The following ENPP6 variants were observed in gnomAD, a reference collection of about 807,000 sequenced individuals.
ENPP6 encodes the protein glycerophosphocholine cholinephosphodiesterase ENPP6.
ENPP6 carries 32 observed loss-of-function variants against 42.0 expected under a neutral mutation model. That is an observed-to-expected ratio of 0.76 (90% CI 0.58 to 1.02). The LOEUF (loss-of-function observed/expected upper bound fraction) is 1.02, where lower values mean the gene tolerates loss of function less well. Ranked by LOEUF, ENPP6 falls within the 50% of genes least tolerant of loss-of-function variation. The pLI, the probability that ENPP6 is intolerant of heterozygous loss-of-function variation, is 0.00. For missense variants in ENPP6, 552 were observed against 566.8 expected (o/e 0.97, Z 0.27); for synonymous variants, 213 against 216.0 (o/e 0.99, Z 0.12).
chr4:184,099,958 G>A (rs1275045703), intron 6 of ENPP6, among the ~76,000 whole-genome samples: 1 of 152,246 alleles, frequency 6.6e-6, no homozygotes, highest in East Asian at 1.9e-4. Flanking sequence ...GTCTGTGTGT[G>A]CCCCATGGCA....
chr4:184,111,418 T>G (rs1736194402), intron 6 of ENPP6, among the ~76,000 whole-genome samples: 1 of 152,224 alleles, frequency 6.6e-6, no homozygotes, highest in African/African-American at 2.4e-5. Context: ...ACCACATATG[T>G]GCTCTGTGTG....
intron 1 of ENPP6, among the ~76,000 whole-genome samples, chr4:184,186,483 A>G (rs1579655326): frequency 6.6e-6 from 1 of 152,202 alleles, no homozygotes; most frequent in East Asian, 1.9e-4. Flanking sequence ...CAAGAAAGAA[A>G]GAGAAATAAG....
rs397806016 is a variant in ENPP6 at position 184,128,606 on chromosome 4, A to AC, written c.422-4335dup. Among the ~76,000 whole-genome samples the AC allele has an allele frequency of 1.1e-4, 16 of 151,550 alleles. No homozygotes were observed. The South Asian group carries it at 3.3e-3, about 32-fold the overall frequency. On this transcript the variant is annotated intron_variant, in intron 2 of 7. Transcript: ENST00000296741. ...TATAAAAGAATGGGCAAAAAAAAAA[A>AC]CCTACACACACAAAGAAATCTTGGA...
At chr4:184,195,066 A>C (rs1247953790) in intron 1 of ENPP6, among the ~76,000 whole-genome samples, 1 of 152,106 alleles carries the variant, frequency 6.6e-6, no homozygotes, top group Non-Finnish European at 1.5e-5. Flanking sequence ...AAAATGTACC[A>C]TTTGGACCAT....
intron 2 of ENPP6, among the ~76,000 whole-genome samples, chr4:184,145,424 G>A (rs1046390951): frequency 2.6e-5 from 4 of 152,174 alleles, no homozygotes; most frequent in Admixed American, 1.3e-4. Flanking sequence ...CTGAGGCAGC[G>A]CTCAATTGAT....
At chr4:184,098,225 C>T (rs545074505) in intron 6 of ENPP6, among the ~76,000 whole-genome samples, 38 of 152,180 alleles carry the variant, frequency 2.5e-4, no homozygotes, top group Non-Finnish European at 4.0e-4. Flanking sequence ...ACGCAGGTGC[C>T]GGCAGCCTGG....
At chr4:184,098,091 G>A (rs1399504503) in intron 6 of ENPP6, among the ~76,000 whole-genome samples, 1 of 152,208 alleles carries the variant, frequency 6.6e-6, no homozygotes, top group Non-Finnish European at 1.5e-5. Context: ...CTCTCTAAGG[G>A]CCATCCATTA....
intron 1 of ENPP6, among the ~76,000 whole-genome samples, chr4:184,185,577 T>C (rs754272600): frequency 3.9e-5 from 6 of 152,186 alleles, no homozygotes; most frequent in Non-Finnish European, 7.4e-5. Flanking sequence ...GAACACCTTG[T>C]CCTTATTTAG....
intron 7 of ENPP6, among the ~76,000 whole-genome samples, chr4:184,094,095 A>G (rs1735855671): frequency 6.6e-6 from 1 of 152,168 alleles, no homozygotes; most frequent in Admixed American, 6.5e-5. Context: ...AGCCTGGGCA[A>G]TATGGCAAGA....
At chr4:184,130,566 C>G (rs71638117) in intron 2 of ENPP6, among the ~76,000 whole-genome samples, 1 of 34,248 alleles carries the variant, frequency 2.9e-5, no homozygotes, top group African/African-American at 8.5e-5. Flanking sequence ...TCAAACAAAA[C>G]AAAACAAAAA....
intron 5 of ENPP6, among the ~76,000 whole-genome samples, chr4:184,113,149 G>C (rs1208273154): frequency 6.6e-6 from 1 of 152,152 alleles, no homozygotes; most frequent in African/African-American, 2.4e-5. Flanking sequence ...GGGAGAGAAA[G>C]AATTCATGGT....
chr4:184,156,781 C>T (rs1737165981), intron 1 of ENPP6, among the ~76,000 whole-genome samples: 1 of 152,224 alleles, frequency 6.6e-6, no homozygotes. Context: ...TGGGATATGA[C>T]ACCTTCGGTG....
intron 5 of ENPP6, among the ~76,000 whole-genome samples, chr4:184,115,221 C>T (rs996113289): frequency 1.3e-5 from 2 of 152,198 alleles, no homozygotes; most frequent in Admixed American, 6.5e-5. Context: ...GGACCTACTA[C>T]TGGTACCCTG....
At chr4:184,151,594 T>C (rs938605425) in intron 2 of ENPP6, among the ~76,000 whole-genome samples, 2 of 152,198 alleles carry the variant, frequency 1.3e-5, no homozygotes, top group African/African-American at 4.8e-5. Context: ...AGTCAAACTA[T>C]CCAGTTATCA....
chr4:184,214,282 C>G (rs567379698), intron 1 of ENPP6, among the ~76,000 whole-genome samples: 4 of 151,920 alleles, frequency 2.6e-5, no homozygotes, highest in Non-Finnish European at 4.4e-5. Context: ...TCCTGGCATT[C>G]AATTGTTTGA....
intron 1 of ENPP6, among the ~76,000 whole-genome samples, chr4:184,188,440 A>G (rs949243940): frequency 6.6e-6 from 1 of 152,124 alleles, no homozygotes; most frequent in Non-Finnish European, 1.5e-5. Context: ...CATCCCCCCA[A>G]ATTGACGATC....
At chr4:184,093,683 A>AATAATAATAATG (rs1485270852) in intron 7 of ENPP6, among the ~76,000 whole-genome samples, 1 of 148,400 alleles carries the variant, frequency 6.7e-6, no homozygotes, top group Non-Finnish European at 1.5e-5. Context: ...TAATAATAAT[A>AATAATAATAATG]ATGTAAAACC....
chr4:184,208,652 G>A (rs374825616), intron 1 of ENPP6, among the ~76,000 whole-genome samples: 15,727 of 148,338 alleles, frequency 0.11, 1,694 homozygotes, highest in African/African-American at 0.26. Context: ...AGGCGGCAGC[G>A]AGGCTGGGGG....
At chr4:184,212,090 A>ATGCTAAAAACTCTCAAT (rs1733122428) in intron 1 of ENPP6, among the ~76,000 whole-genome samples, 1 of 151,908 alleles carries the variant, frequency 6.6e-6, no homozygotes. Flanking sequence ...GACTTATTTC[A>ATGCTAAAAACTCTCAAT]AAATAATAAG....
Sources: gnomAD v4.1 joint callset for allele counts (sites outside exome capture counted in the v4.1 genomes callset) on GRCh38, gnomAD v4.1.1 for gene constraint, MANE v1.5 for transcripts, NCBI Gene and HGNC (gene_info 2026-07-23, HGNC 2026-07-21) for gene names.